The following MTA3 variants were observed in gnomAD, a reference collection of about 807,000 sequenced individuals.
MTA3 encodes metastasis-associated protein MTA3.
In MTA3, 34 loss-of-function variants were observed where a neutral mutation model predicts 83.5. That is an observed-to-expected ratio of 0.41 (90% CI 0.31 to 0.54). The LOEUF (loss-of-function observed/expected upper bound fraction) is 0.54. MTA3 is among the 20% of genes least tolerant of loss of function. The probability of loss-of-function intolerance (pLI) is 0.33; values close to 1 mark genes in which losing one functional copy is unlikely to be tolerated. For synonymous variants in MTA3, 303 were observed against 252.7 expected, an observed-to-expected ratio of 1.20 and a Z score of -1.89; for missense variants, 761 against 726.4, an observed-to-expected ratio of 1.05 and a Z score of -0.55.
chr2:42,695,903 A>G, intron 10 of MTA3, 64 bp downstream of exon 10: 2 of 1,158,614 alleles, frequency 1.7e-6, no homozygotes, highest in Non-Finnish European at 2.4e-6. Context: ...TTATATTTTA[A>G]TATTTTTTGG....
intron 8 of MTA3, among the ~76,000 whole-genome samples, chr2:42,662,175 ATTAT>A (rs756963891): frequency 2.6e-5 from 4 of 152,098 alleles, no homozygotes; most frequent in Non-Finnish European, 4.4e-5. Flanking sequence ...ACTACACAAC[ATTAT>A]TTATGTATTC....
rs1389951553 is a variant in MTA3 at position 42,753,729 on chromosome 2, A to G, written c.*330A>G. 2.6e-6 allele frequency: 3 copies of G among 1,166,472 alleles called. No homozygotes were observed. The highest frequency in any genetic ancestry group is 4.4e-5 in the South Asian group (2 of 45,148). The allele number at this position is 1,166,472 out of a possible 1,614,324, so 72.3% of individuals were successfully genotyped here. A position where few individuals can be genotyped will look rare whatever the true frequency, so the allele number is the denominator to read the frequency against. On this transcript the variant is annotated 3_prime_UTR_variant, in exon 17 of 17. Coordinates refer to ENST00000405094, the MANE Select transcript of MTA3 (RefSeq NM_001330442.2). ...TGCGCCCCACCCAGCAACAGCGGCCACTTGGCAGTGGGGCTGCTGCAAGCT... is the reference window on the plus strand; with the variant it reads ...TGCGCCCCACCCAGCAACAGCGGCCGCTTGGCAGTGGGGCTGCTGCAAGCT...
At chr2:42,512,380 A>G (rs752820743) in intron 2 of MTA3, among the ~76,000 whole-genome samples, 3 of 152,306 alleles carry the variant, frequency 2.0e-5, no homozygotes, top group Non-Finnish European at 4.4e-5. Context: ...CCATGTGGCC[A>G]AGCAACAGCA....
intron 2 of MTA3, among the ~76,000 whole-genome samples, chr2:42,544,957 C>T (rs1676692612): frequency 6.6e-6 from 1 of 152,136 alleles, no homozygotes. Context: ...TAATATCTGA[C>T]CTTAAACAGC....
intron 4 of MTA3, among the ~76,000 whole-genome samples, chr2:42,612,273 G>A (rs1484277454): frequency 6.6e-6 from 1 of 152,082 alleles, no homozygotes; most frequent in African/African-American, 2.4e-5. Flanking sequence ...GGAAAGTAGT[G>A]GCATGATCAT....
chr2:42,636,849 A>T (rs1687253818), intron 4 of MTA3, among the ~76,000 whole-genome samples: 1 of 151,296 alleles, frequency 6.6e-6, no homozygotes, highest in African/African-American at 2.4e-5. Context: ...CTGGTCTCGA[A>T]CTCCTGACCT....
At chr2:42,657,698 C>T (rs971199850) in intron 7 of MTA3, among the ~76,000 whole-genome samples, 4 of 147,028 alleles carry the variant, frequency 2.7e-5, no homozygotes, top group African/African-American at 1.0e-4. Context: ...GAGGCCAAGG[C>T]AGGAGGATTG....
chr2:42,675,246 C>T (rs1005004903), intron 8 of MTA3, among the ~76,000 whole-genome samples: 1 of 152,070 alleles, frequency 6.6e-6, no homozygotes, highest in South Asian at 2.1e-4. Context: ...AGCGATTCTC[C>T]TACCTTAGCC....
intron 2 of MTA3, among the ~76,000 whole-genome samples, chr2:42,503,993 G>A (rs751149064): frequency 9.8e-4 from 132 of 134,494 alleles, no homozygotes; most frequent in Non-Finnish European, 8.3e-4. Context: ...GCATGATCTC[G>A]GCTCACTGCA....
intron 2 of MTA3, among the ~76,000 whole-genome samples, chr2:42,524,146 G>C (rs1572920330): frequency 6.6e-6 from 1 of 152,048 alleles, no homozygotes; most frequent in Admixed American, 6.6e-5. Flanking sequence ...CATGGTTCTA[G>C]ATTGGAAACT....
intron 2 of MTA3, among the ~76,000 whole-genome samples, chr2:42,527,137 C>T (rs2103710313): frequency 6.6e-6 from 1 of 150,742 alleles, no homozygotes; most frequent in Admixed American, 6.6e-5. Context: ...TCCAGAAAAC[C>T]CCTACTTCTT....
At chr2:42,741,439 A>G (rs1271753989) in intron 16 of MTA3, among the ~76,000 whole-genome samples, 2 of 151,968 alleles carry the variant, frequency 1.3e-5, no homozygotes, top group East Asian at 3.9e-4. Flanking sequence ...CTGACTTGCA[A>G]CCTCTCTTGG....
intron 2 of MTA3, among the ~76,000 whole-genome samples, chr2:42,548,874 ATAAT>A (rs1278885163): frequency 0.02 from 425 of 21,198 alleles, 68 homozygotes; most frequent in Middle Eastern, 0.079. Flanking sequence ...ATATATATAT[ATAAT>A]ATATATATAT....
intron 2 of MTA3, among the ~76,000 whole-genome samples, chr2:42,538,927 A>C (rs1676394076): frequency 6.7e-6 from 1 of 148,778 alleles, no homozygotes; most frequent in Non-Finnish European, 1.5e-5. Flanking sequence ...GGCGCCCGCC[A>C]CCGTGCCCGG....
chr2:42,667,723 C>T (rs1690412658), intron 8 of MTA3, among the ~76,000 whole-genome samples: 2 of 151,834 alleles, frequency 1.3e-5, no homozygotes, highest in Non-Finnish European at 2.9e-5. Flanking sequence ...CAGCCTCAAA[C>T]TCCTGGGCTC....
intron 2 of MTA3, among the ~76,000 whole-genome samples, chr2:42,547,265 G>T (rs1413144341): frequency 6.6e-6 from 1 of 152,236 alleles, no homozygotes; most frequent in Non-Finnish European, 1.5e-5. Context: ...ACAAAAAAAG[G>T]AAGTGATGAA....
chr2:42,512,554 C>G (rs1026266839), intron 2 of MTA3, among the ~76,000 whole-genome samples: 6 of 152,128 alleles, frequency 3.9e-5, no homozygotes, highest in African/African-American at 1.4e-4. Context: ...GCTTTTTATC[C>G]CCTTTCACTA....
At chr2:42,750,896 C>G (rs1048533907) in intron 16 of MTA3, among the ~76,000 whole-genome samples, 1 of 152,324 alleles carries the variant, frequency 6.6e-6, no homozygotes, top group Admixed American at 6.5e-5. Flanking sequence ...CTCAAAGAGC[C>G]TTTAACTCCT....
At chr2:42,625,688 A>G (rs1203334161) in intron 4 of MTA3, among the ~76,000 whole-genome samples, 2 of 147,624 alleles carry the variant, frequency 1.4e-5, no homozygotes, top group Non-Finnish European at 3.0e-5. Context: ...CGGAGGTTGC[A>G]GTGAACCGAG....
Sources: allele counts gnomAD v4.1 joint callset (sites outside exome capture counted in the v4.1 genomes callset), GRCh38; gene constraint gnomAD v4.1.1; transcripts MANE v1.5; gene names NCBI Gene and HGNC (gene_info 2026-07-23, HGNC 2026-07-21).